Variants in YTHDC2 observed in about 807,000 individuals in gnomAD.
The protein encoded by YTHDC2 is YTH N6-methyladenosine RNA binding protein C2, also known as 3'-5' RNA helicase YTHDC2.
Under a neutral mutation model 174.9 loss-of-function variants are expected in YTHDC2, and 45 were observed. That is an observed-to-expected ratio of 0.26 (90% confidence interval 0.20 to 0.33). The LOEUF is 0.33. YTHDC2 is among the 10% of genes least tolerant of loss of function. The pLI, the probability that YTHDC2 is intolerant of heterozygous loss-of-function variation, is 1.00. For missense variants in YTHDC2, 1,650 were observed against 1,723.7 expected (o/e 0.96, Z 0.76); for synonymous variants, 657 against 574.5 (o/e 1.14, Z -2.05).
chr5:113,563,490 A>C lies in YTHDC2; in HGVS notation c.2440A>C (p.Lys814Gln), dbSNP rs762404888. The change falls in exon 19 of 30, where the codon AAG becomes CAG. Residue 814 changes from lysine (K) to glutamine (Q), a missense_variant and splice_region_variant. This residue lies in a region of YTHDC2 where 913 missense variants were observed against 940.4 expected (regional missense o/e 0.97). Coordinates refer to ENST00000161863, the MANE Select transcript of YTHDC2 (RefSeq NM_022828.5). ...TGTAAGAAATGCTGTACAAATGCTT[A>C]AGGTTGGTGTCTTCATAGTTTTATT... ...LIVRNAVQML[K>Q]TIDAMDTWED... 7 of 1,597,388 alleles carry C rather than the reference A, an allele frequency of 4.4e-6. No individual in the cohort carries two copies. The highest frequency in any genetic ancestry group is 3.4e-6 in the Non-Finnish European group (4 of 1,173,290).
At chr5:113,526,516 A>T in intron 3 of YTHDC2, 70 bp from the exon 4 acceptor site, 1 of 1,343,076 alleles carries the variant, frequency 7.4e-7, no homozygotes, top group South Asian at 1.6e-5. Flanking sequence ...GGCAAAAAAA[A>T]TTACTTATTT....
chr5:113,565,826 T>TA, intron 20 of YTHDC2, 67 bp from the exon 21 acceptor site: 2 of 1,515,348 alleles, frequency 1.3e-6, no homozygotes, highest in Non-Finnish European at 1.8e-6. Flanking sequence ...GATTTGTAGT[T>TA]ACTTGTTGCC....
At chr5:113,519,671 C>T (rs543754854) in intron 2 of YTHDC2, among the ~76,000 whole-genome samples, 3 of 152,244 alleles carry the variant, frequency 2.0e-5, no homozygotes, top group South Asian at 2.1e-4. Context: ...ATCAAGATAT[C>T]GGCAGGGCTG....
In YTHDC2 at chr5:113,542,997, G is replaced by C. The variant is rs75138807; in HGVS notation, c.1495+494G>C. Among the ~76,000 whole-genome samples the C allele has an allele frequency of 7.9e-3, 1,198 of 152,192 alleles. 18 individuals carry two copies. Among genetic ancestry groups the C allele is most frequent in the African/African-American group, 0.028 (1,151 of 41,534 alleles). ...TCTAACTTCTTGGTTTTCTTGGCAA[G>C]ATCTTTTTCTTTTTTTCTGACCTGT... On this transcript the variant is annotated intron_variant, in intron 10 of 29. Transcript: ENST00000161863.
rs1369384754 is a variant in YTHDC2, at chr5:113,563,944, A to G, written c.2528A>G (p.Lys843Arg). ...TTGCCAGTAGAACCACATCTTGGTA[A>G]AATGGTCTTGTGTGCTGTTGTTTTA... is the stretch of plus-strand genomic sequence containing the variant. ...ADLPVEPHLG[K>R]MVLCAVVLKC... The change falls in exon 20 of 30, where the codon AAA (lysine) becomes AGA (arginine). Residue 843 changes from lysine to arginine, a missense_variant. Lys to Arg is a conservative substitution (Grantham distance 26). Around this residue, in one of 5 missense-constraint regions of YTHDC2, gnomAD observed 913 missense variants for 940.4 expected, o/e 0.97. Transcript: ENST00000161863. 5 of 1,614,164 alleles carry G rather than the reference A, an allele frequency of 3.1e-6. No homozygotes were observed. Among genetic ancestry groups the G allele is most frequent in the Non-Finnish European group, 3.4e-6 (4 of 1,180,016 alleles).
chr5:113,594,684 G>C lies in YTHDC2; in HGVS notation c.*1210G>C, dbSNP rs1156792232. The C allele has an allele frequency of 6.6e-6, 1 of 152,080 alleles. No individual in the cohort carries two copies. The highest frequency in any genetic ancestry group is 6.6e-5 in the Admixed American group (1 of 15,262). 9.4% of individuals were successfully genotyped at this position (152,080 alleles called of 1,614,324 possible). ...AGGGAAAAATGAAAGAAATGTCTTG[G>C]TTACTGAGCTCTAAATAGACAGGTT... On this transcript the variant is annotated 3_prime_UTR_variant, in exon 30 of 30. Coordinates refer to ENST00000161863, the MANE Select transcript of YTHDC2 (RefSeq NM_022828.5).
At chr5:113,518,904 CAG>C (rs1383581803) in intron 2 of YTHDC2, among the ~76,000 whole-genome samples, 1 of 152,016 alleles carries the variant, frequency 6.6e-6, no homozygotes, top group African/African-American at 2.4e-5. Context: ...TTTTTAGAGA[CAG>C]AGTCTTCCTC....
Position 113,592,053 on chromosome 5 carries a change from G to T in YTHDC2, c.4087G>T (p.Ala1363Ser), listed in dbSNP as rs746080093. 11 of 1,612,868 alleles carry T rather than the reference G, an allele frequency of 6.8e-6. No individual in the cohort carries two copies. The South Asian group carries it at 1.2e-4, about 18-fold the overall frequency. ...GGAAAAGAGTCAGGACTGGGGCTCT[G>T]CTGGACTAGGAGGAGTATTTAAGGT... is the stretch of plus-strand genomic sequence containing the variant. Reference protein sequence around the residue: ...GREKSQDWGSAGLGGVFKVEW... With the variant: ...GREKSQDWGSSGLGGVFKVEW... Residue 1363 changes from alanine (A) to serine (S), a missense_variant, in exon 28 of 30, where the codon GCT becomes TCT. Ala to Ser is a moderately conservative substitution (Grantham distance 99). Around this residue, in one of 5 missense-constraint regions of YTHDC2, gnomAD observed 913 missense variants for 940.4 expected, o/e 0.97. Transcript: ENST00000161863.
At chr5:113,570,907 C>T (rs797000672) in intron 23 of YTHDC2, among the ~76,000 whole-genome samples, 18 of 152,314 alleles carry the variant, frequency 1.2e-4, no homozygotes, top group African/African-American at 4.1e-4. Context: ...ACCACCTCGG[C>T]CTCCCAATGT....
chr5:113,547,818 C>G (rs990983843), intron 10 of YTHDC2, among the ~76,000 whole-genome samples: 1 of 151,884 alleles, frequency 6.6e-6, no homozygotes, highest in Non-Finnish European at 1.5e-5. Flanking sequence ...TTAAAATTTT[C>G]CTTTTGTAGT....
chr5:113,565,662 C>G (rs1777286176), intron 20 of YTHDC2: 3 of 333,468 alleles, frequency 9.0e-6, no homozygotes, highest in Non-Finnish European at 1.6e-5. Flanking sequence ...GTCATTTAGG[C>G]TACTTGACAC....
chr5:113,581,269 G>A (rs1778387650), intron 24 of YTHDC2, 148 bp from the exon 25 acceptor site: 1 of 624,290 alleles, frequency 1.6e-6, no homozygotes. Context: ...TTTCATTCAT[G>A]CATTAAAAAT....
At chr5:113,577,495 G>C (rs1025833058) in intron 23 of YTHDC2, among the ~76,000 whole-genome samples, 1 of 151,886 alleles carries the variant, frequency 6.6e-6, no homozygotes, top group African/African-American at 2.4e-5. Context: ...TCAGTCTCTC[G>C]AGTAGCTGGG....
rs1437495966 is a variant in YTHDC2, at chr5:113,592,086, A to T, written c.4120A>T (p.Ile1374Leu). The change falls in exon 28 of 30, where the codon ATA becomes TTA. Residue 1374 changes from isoleucine to leucine, a missense_variant. Transcript: ENST00000161863. ...GLGGVFKVEW[I>L]RKESLPFQFA... ...AGGAGGAGTATTTAAGGTGGAGTGG[A>T]TACGAAAAGAAAGCCTTCCCTTTCA... is the stretch of plus-strand genomic sequence containing the variant. 29 of 1,613,090 alleles carry T rather than the reference A, an allele frequency of 1.8e-5. No homozygotes were observed. Among genetic ancestry groups the T allele is most frequent in the Non-Finnish European group, 2.4e-5 (28 of 1,179,578 alleles).
chr5:113,556,028 A>G (rs1776582343), intron 16 of YTHDC2, 24 bp from the exon 17 acceptor site: 1 of 1,426,454 alleles, frequency 7.0e-7, no homozygotes. Context: ...ATATTCTAAC[A>G]TAAAGATGGT....
chr5:113,532,593 G>A (rs1287046025), intron 4 of YTHDC2, among the ~76,000 whole-genome samples: 1 of 152,114 alleles, frequency 6.6e-6, no homozygotes, highest in South Asian at 2.1e-4. Context: ...ATATATTCAG[G>A]TCTTCTTTTA....
intron 16 of YTHDC2, among the ~76,000 whole-genome samples, chr5:113,554,797 C>T (rs1776489724): frequency 6.6e-6 from 1 of 151,012 alleles, no homozygotes; most frequent in Non-Finnish European, 1.5e-5. Flanking sequence ...AGCAGTTGTC[C>T]ATGTTCCTAA....
At chr5:113,536,060 G>A (rs1261974772) in intron 7 of YTHDC2, among the ~76,000 whole-genome samples, 1 of 152,050 alleles carries the variant, frequency 6.6e-6, no homozygotes, top group Non-Finnish European at 1.5e-5. Flanking sequence ...TTCTTAAATT[G>A]TCCTATAACT....
chr5:113,546,119 T>C (rs1215405716), intron 10 of YTHDC2, among the ~76,000 whole-genome samples: 1 of 152,226 alleles, frequency 6.6e-6, no homozygotes, highest in East Asian at 1.9e-4. Flanking sequence ...GCGTTCTTTC[T>C]TTTTCCATTA....
Sources: gnomAD v4.1 joint callset for allele counts (sites outside exome capture counted in the v4.1 genomes callset) on GRCh38, gnomAD v4.1.1 for gene constraint, gnomAD v4.1.1 regional missense constraint, MANE v1.5 for transcripts, NCBI Gene and HGNC (gene_info 2026-07-23, HGNC 2026-07-21) for gene names.